Variants in LRRIQ1 observed in about 807,000 individuals in gnomAD.
The protein encoded by LRRIQ1 is leucine-rich repeat- and IQ domain-containing protein 1.
In LRRIQ1, 210 loss-of-function variants were observed where a neutral mutation model predicts 211.9. The observed-to-expected ratio is 0.99, with a 90% CI of 0.89 to 1.11. LRRIQ1 has a LOEUF of 1.11. Ranked by LOEUF, LRRIQ1 falls within the 50% of genes most tolerant of loss-of-function variation. The pLI is 0.00. For missense variants in LRRIQ1, 2,136 were observed against 1,939.5 expected (o/e 1.10, Z -1.90); for synonymous variants, 699 against 650.1 (o/e 1.08, Z -1.14).
chr12:85,226,416 T>A (rs1894655901), intron 24 of LRRIQ1, among the ~76,000 whole-genome samples: 1 of 152,108 alleles, frequency 6.6e-6, no homozygotes, highest in Non-Finnish European at 1.5e-5. Context: ...GGAAACCAGA[T>A]CAGTAGCTGG....
chr12:85,265,441 A>G (rs1896399213), downstream of LRRIQ1, among the ~76,000 whole-genome samples: 1 of 152,156 alleles, frequency 6.6e-6, no homozygotes, highest in East Asian at 1.9e-4. Flanking sequence ...AGTCACTAAT[A>G]TGAGATGTAA....
rs201014317 is a variant in LRRIQ1, at chr12:85,112,588, G to A, written c.3377+5973G>A. On this transcript the variant is annotated intron_variant, in intron 15 of 26. Coordinates refer to ENST00000393217, the MANE Select transcript of LRRIQ1 (RefSeq NM_001079910.2). ...CTGGGGATTCTGTAGTTATAAAAAT[G>A]GCAGTTTACATTTTTATTTCTGGAT... Among the ~76,000 whole-genome samples, 6 of 151,026 alleles carry A rather than the reference G, an allele frequency of 4.0e-5. No individual in the cohort carries two copies. The East Asian group carries it at 1.2e-3, about 29-fold the overall frequency.
In LRRIQ1 at chr12:85,038,139, A is replaced by G. The variant is rs987657702; in HGVS notation, c.-24-14A>G. The G allele has an allele frequency of 1.4e-6, 2 of 1,408,252 alleles. No homozygotes were observed. Among genetic ancestry groups the G allele is most frequent in the African/African-American group, 1.5e-5 (1 of 68,280 alleles). 87.2% of individuals were successfully genotyped at this position (1,408,252 alleles called of 1,614,324 possible). ...TTTTTAGTGACATATTAGCCTCTTCATTTTTTAAAGCAGTTCTGTGCTTTA... is the reference window on the plus strand; with the variant it reads ...TTTTTAGTGACATATTAGCCTCTTCGTTTTTTAAAGCAGTTCTGTGCTTTA... On this transcript the variant is annotated splice_polypyrimidine_tract_variant and intron_variant, in intron 1 of 26. Coordinates refer to ENST00000393217, the MANE Select transcript of LRRIQ1 (RefSeq NM_001079910.2).
At position 85,072,974 on chromosome 12, in the gene LRRIQ1, C is replaced by T; in HGVS notation, c.2763C>T (p.Ser921=). ...GGTTCTGCCATCACTTGGGCACCTC[C>T]ACTTCTTACTTATCCCTGGCACAAG... ...NAGFCHHLGT[S]TSYLSLAQVW... The change falls in exon 11 of 27, where the codon TCC becomes TCT. Residue 921 remains serine (S), a synonymous_variant. Transcript: ENST00000393217. 1 of 1,612,868 alleles carries T rather than the reference C, an allele frequency of 6.2e-7. No homozygotes were observed. Among genetic ancestry groups the T allele is most frequent in the Non-Finnish European group, 8.5e-7 (1 of 1,179,276 alleles).
rs544508601 is a variant in LRRIQ1 at position 85,095,815 on chromosome 12, A to C, written c.2888-2540A>C. On this transcript the variant is annotated intron_variant, in intron 11 of 26. Coordinates refer to ENST00000393217, the MANE Select transcript of LRRIQ1 (RefSeq NM_001079910.2). ...AGTTTTTCTTTTTTTTAAAATTACT[A>C]ATTCAATTTCAGAACTCCATATTGG... 9.4e-4 allele frequency among the ~76,000 whole-genome samples: 143 copies of C among 152,114 alleles called. 2 individuals carry two copies. The highest frequency in any genetic ancestry group is 2.9e-3 in the African/African-American group (119 of 41,544).
intron 7 of LRRIQ1, among the ~76,000 whole-genome samples, chr12:85,054,206 T>C (rs535256891): frequency 1.3e-5 from 2 of 152,236 alleles, no homozygotes; most frequent in South Asian, 4.1e-4. Context: ...TTGAAAATAA[T>C]CCCTACTTTC....
At chr12:85,054,710 G>A (rs11116692) in intron 7 of LRRIQ1, among the ~76,000 whole-genome samples, 35,924 of 151,552 alleles carry the variant, frequency 0.24, 4,868 homozygotes, top group African/African-American at 0.34. Context: ...TGGTTTAAGT[G>A]AGTCGTTTTT....
intron 15 of LRRIQ1, among the ~76,000 whole-genome samples, chr12:85,110,723 A>G (rs967408402): frequency 2.6e-4 from 40 of 152,162 alleles, no homozygotes; most frequent in African/African-American, 9.6e-4. Context: ...AAAATCATAA[A>G]GAACTAATAA....
intron 23 of LRRIQ1, among the ~76,000 whole-genome samples, chr12:85,158,285 T>C (rs1439914753): frequency 6.6e-6 from 1 of 151,790 alleles, no homozygotes; most frequent in Non-Finnish European, 1.5e-5. Flanking sequence ...TTTTACAGTA[T>C]GTGTGTGCAT....
At chr12:85,052,941 T>C (rs768601845) in intron 7 of LRRIQ1, among the ~76,000 whole-genome samples, 2 of 152,046 alleles carry the variant, frequency 1.3e-5, no homozygotes, top group Non-Finnish European at 2.9e-5. Context: ...CCTATAATTA[T>C]CATCCAGTAG....
intron 23 of LRRIQ1, among the ~76,000 whole-genome samples, chr12:85,156,803 A>G (rs539638437): frequency 1.3e-5 from 2 of 151,710 alleles, no homozygotes; most frequent in African/African-American, 4.8e-5. Flanking sequence ...GACTAACTAG[A>G]TCTACGGGAG....
chr12:85,163,111 A>G (rs1485788629), intron 24 of LRRIQ1, among the ~76,000 whole-genome samples: 2 of 152,162 alleles, frequency 1.3e-5, no homozygotes, highest in Admixed American at 6.5e-5. Context: ...CACAGAGTGC[A>G]GCTTCCAAAG....
chr12:85,070,597 C>G (rs1265577613), intron 10 of LRRIQ1, among the ~76,000 whole-genome samples: 1 of 151,856 alleles, frequency 6.6e-6, no homozygotes, highest in Non-Finnish European at 1.5e-5. Flanking sequence ...TGTTTTACTA[C>G]TTGTTCTACC....
At chr12:85,210,711 G>A (rs112998015) in intron 24 of LRRIQ1, among the ~76,000 whole-genome samples, 10 of 152,098 alleles carry the variant, frequency 6.6e-5, no homozygotes, top group Non-Finnish European at 1.0e-4. Flanking sequence ...TGGGACTCTC[G>A]TGTTTCTGAA....
chr12:85,263,684 C>A (rs1896359669), exon 2 of LRRIQ1: 1 of 151,802 alleles, frequency 6.6e-6, no homozygotes, highest in Non-Finnish European at 1.5e-5. Flanking sequence ...ATGTTTATTA[C>A]CCTTATTTAT....
intron 19 of LRRIQ1, among the ~76,000 whole-genome samples, chr12:85,144,676 A>T (rs1889769096): frequency 6.6e-6 from 1 of 151,702 alleles, no homozygotes. Context: ...AAGAAATACA[A>T]AAGTAGCCAG....
chr12:85,261,547 A>G (rs908716399), intron 1 of LRRIQ1, among the ~76,000 whole-genome samples: 2 of 151,564 alleles, frequency 1.3e-5, no homozygotes, highest in African/African-American at 4.8e-5. Flanking sequence ...ATCTCAAAAA[A>G]CATTCTATTT....
chr12:85,087,154 C>T (rs1024402675), intron 11 of LRRIQ1, among the ~76,000 whole-genome samples: 2 of 151,936 alleles, frequency 1.3e-5, no homozygotes, highest in African/African-American at 4.8e-5. Context: ...CAAGTGTTCT[C>T]ATTGTTCAAT....
intron 24 of LRRIQ1, among the ~76,000 whole-genome samples, chr12:85,182,513 A>G (rs1892030388): frequency 6.6e-6 from 1 of 152,156 alleles, no homozygotes; most frequent in African/African-American, 2.4e-5. Context: ...ACAAGAATGC[A>G]TTTCCCCAAA....
Sources: allele counts gnomAD v4.1 joint callset (sites outside exome capture counted in the v4.1 genomes callset), GRCh38; gene constraint gnomAD v4.1.1; transcripts MANE v1.5; gene names NCBI Gene and HGNC (gene_info 2026-07-23, HGNC 2026-07-21).